The following SASH1 variants were observed in gnomAD, a reference collection of about 807,000 sequenced individuals.
SASH1 encodes the protein SAM and SH3 domain containing 1.
In SASH1, 44 loss-of-function variants were observed where a neutral mutation model predicts 125.2. That is an observed-to-expected ratio of 0.35 (90% CI 0.28 to 0.45). The LOEUF (loss-of-function observed/expected upper bound fraction) is 0.45, where lower values mean the gene tolerates loss of function less well. Among genes scored for constraint, SASH1 ranks in the 20% least tolerant of loss-of-function variants. The probability of loss-of-function intolerance (pLI) is 1.00; values close to 1 mark genes in which losing one functional copy is unlikely to be tolerated. For synonymous variants in SASH1, 639 were observed against 649.1 expected (o/e 0.98, Z 0.24); for missense variants, 1,426 against 1,614.5 (o/e 0.88, Z 2.00).
chr6:148,477,148 G>A (rs1041468735), intron 7 of SASH1, among the ~76,000 whole-genome samples: 3 of 152,188 alleles, frequency 2.0e-5, no homozygotes, highest in African/African-American at 7.2e-5. Flanking sequence ...CAGGACACCG[G>A]ACTGGGCAAA....
At chr6:148,213,757 G>A in the SASH1 span, among the ~76,000 whole-genome samples, 38 of 152,048 alleles carry the variant, frequency 2.5e-4, no homozygotes, top group Middle Eastern at 6.8e-3. Context: ...GGAGACTTCG[G>A]ATCTCCTAGG....
intron 1 of SASH1, among the ~76,000 whole-genome samples, chr6:148,302,835 TATATATATAC>T (rs1446693475): frequency 7.0e-6 from 1 of 142,004 alleles, no homozygotes. Flanking sequence ...TATATATATA[TATATATATAC>T]ACACACACAC....
At chr6:148,522,722 A>AATT (rs1780895827) in intron 10 of SASH1, among the ~76,000 whole-genome samples, 1 of 152,168 alleles carries the variant, frequency 6.6e-6, no homozygotes, top group African/African-American at 2.4e-5. Context: ...GTGTTTTTAT[A>AATT]ATTTTCAGTA....
chr6:148,298,182 C>CT (rs34644546), intron 1 of SASH1, among the ~76,000 whole-genome samples: 7,794 of 151,486 alleles, frequency 0.051, 292 homozygotes, highest in Admixed American at 0.11. Flanking sequence ...AATTTTTGTA[C>CT]TTTTTTTTCC....
the SASH1 span, among the ~76,000 whole-genome samples, chr6:148,245,405 C>G: frequency 6.6e-6 from 1 of 152,250 alleles, no homozygotes; most frequent in East Asian, 1.9e-4. Flanking sequence ...AGAGAACTTC[C>G]GCTTGAGGCT....
intron 1 of SASH1, among the ~76,000 whole-genome samples, chr6:148,347,250 G>A (rs1296288665): frequency 6.6e-6 from 1 of 152,114 alleles, no homozygotes; most frequent in Non-Finnish European, 1.5e-5. Context: ...GTTAGTAAGT[G>A]CCTATTGTTT....
At chr6:148,436,672 C>T (rs535451794) in intron 2 of SASH1, among the ~76,000 whole-genome samples, 1 of 152,306 alleles carries the variant, frequency 6.6e-6, no homozygotes, top group African/African-American at 2.4e-5. Context: ...TTTGAGTGAG[C>T]AAGCTTTCCA....
chr6:148,322,913 T>A (rs1780681090), intron 1 of SASH1, among the ~76,000 whole-genome samples: 1 of 118,996 alleles, frequency 8.4e-6, no homozygotes, highest in Non-Finnish European at 1.8e-5. Flanking sequence ...TCTCTTTCTT[T>A]CTTTTTTCTT....
At chr6:148,267,396 T>TGTGG (rs753511162), upstream of SASH1, among the ~76,000 whole-genome samples, 67 of 140,452 alleles carry the variant, frequency 4.8e-4, 2 homozygotes, top group South Asian at 0.015. Context: ...TGTGTGTGTG[T>TGTGG]GAGATGGAGT....
chr6:148,379,995 A>T (rs1358685196), intron 1 of SASH1: 1 of 455,604 alleles, frequency 2.2e-6, no homozygotes, highest in Admixed American at 2.4e-5. Context: ...CCACACAAAG[A>T]GTATTTTTCA....
chr6:148,338,934 G>A (rs10214783), upstream of SASH1, among the ~76,000 whole-genome samples: 84,952 of 149,864 alleles, frequency 0.57, 24,319 homozygotes, highest in South Asian at 0.68. Context: ...GAACCCAGGA[G>A]GGGGAGATTG....
upstream of SASH1, among the ~76,000 whole-genome samples, chr6:148,270,098 C>A (rs1282970372): frequency 6.6e-6 from 1 of 152,228 alleles, no homozygotes; most frequent in Admixed American, 6.5e-5. Context: ...GGCAGAATTT[C>A]TCTTTTGGTT....
At chr6:148,513,817 G>A in intron 8 of SASH1, 1 of 986,244 alleles carries the variant, frequency 1.0e-6, no homozygotes, top group Non-Finnish European at 1.2e-6. Context: ...GGAAGAGGCT[G>A]TTTGCATCTC....
chr6:148,230,669 A>G, the SASH1 span, among the ~76,000 whole-genome samples: 13 of 152,184 alleles, frequency 8.5e-5, no homozygotes, highest in African/African-American at 2.9e-4. Flanking sequence ...TCTTGTGAAC[A>G]CCTGTCAATT....
intron 1 of SASH1, among the ~76,000 whole-genome samples, chr6:148,277,110 T>G (rs1779206928): frequency 6.6e-6 from 1 of 152,148 alleles, no homozygotes; most frequent in South Asian, 2.1e-4. Context: ...GTCCCATAAC[T>G]AGGATATATG....
chr6:148,359,410 C>T (rs993203760), intron 1 of SASH1, among the ~76,000 whole-genome samples: 1 of 151,384 alleles, frequency 6.6e-6, no homozygotes, highest in Admixed American at 6.6e-5. Context: ...CAATACCGTG[C>T]GCTCATTTTG....
At chr6:148,426,255 T>C (rs1775819852) in intron 2 of SASH1, among the ~76,000 whole-genome samples, 1 of 152,056 alleles carries the variant, frequency 6.6e-6, no homozygotes. Context: ...TACTTTTTTT[T>C]CCATTTAAAA....
intron 7 of SASH1, among the ~76,000 whole-genome samples, chr6:148,477,943 C>T (rs191538371): frequency 1.1e-3 from 169 of 152,116 alleles, no homozygotes; most frequent in African/African-American, 3.7e-3. Flanking sequence ...GTGATCCACC[C>T]GCCTCGGCCT....
At chr6:148,488,512 C>T (rs1249366945) in intron 8 of SASH1, among the ~76,000 whole-genome samples, 1 of 152,216 alleles carries the variant, frequency 6.6e-6, no homozygotes, top group Non-Finnish European at 1.5e-5. Context: ...CTAGCACATA[C>T]CTAGGGGTAG....
Sources: gnomAD v4.1 joint callset for allele counts (sites outside exome capture counted in the v4.1 genomes callset) on GRCh38, gnomAD v4.1.1 for gene constraint, MANE v1.5 for transcripts, NCBI Gene and HGNC (gene_info 2026-07-23, HGNC 2026-07-21) for gene names.